Variants in C18orf63 observed in about 807,000 individuals in gnomAD.
C18orf63 encodes chromosome 18 open reading frame 63.
Under a neutral mutation model 75.3 loss-of-function variants are expected in C18orf63, and 50 were observed. That is an observed-to-expected ratio of 0.66 (90% CI 0.53 to 0.84). The LOEUF (loss-of-function observed/expected upper bound fraction) is 0.84. Ranked by LOEUF, C18orf63 falls within the 40% of genes least tolerant of loss-of-function variation. C18orf63 has a pLI of 0.00. For missense variants in C18orf63, 732 were observed against 800.2 expected (o/e 0.91, Z 1.03); for synonymous variants, 232 against 267.6 (o/e 0.87, Z 1.30).
At chr18:74,324,429 TG>T (rs1599001032) in intron 4 of C18orf63, among the ~76,000 whole-genome samples, 1 of 152,326 alleles carries the variant, frequency 6.6e-6, no homozygotes, top group Middle Eastern at 3.4e-3. Flanking sequence ...TGATTTTTGG[TG>T]ACCAGAACTA....
At chr18:74,333,512 A>T (rs1171494169) in intron 7 of C18orf63, among the ~76,000 whole-genome samples, 1 of 152,204 alleles carries the variant, frequency 6.6e-6, no homozygotes, top group Non-Finnish European at 1.5e-5. Flanking sequence ...GGAAGCAAGC[A>T]TGTCCTTCTT....
intron 11 of C18orf63, 39 bp downstream of exon 11, chr18:74,343,741 A>G (rs1984526767): frequency 3.1e-5 from 40 of 1,278,504 alleles, no homozygotes; most frequent in Non-Finnish European, 4.1e-5. Flanking sequence ...TCCAAGACAT[A>G]CTATCCATCT....
At chr18:74,343,826 A>C (rs1306935370) in intron 11 of C18orf63, 124 bp downstream of exon 11, 2 of 459,802 alleles carry the variant, frequency 4.3e-6, no homozygotes, top group African/African-American at 2.0e-5. Context: ...TCTCAGTTCA[A>C]TGCTTCCCTA....
Position 74,343,711 on chromosome 18 carries a change from T to C in C18orf63, c.978+9T>C. 6.8e-7 allele frequency: 1 copy of C among 1,474,808 alleles called. No individual in the cohort carries two copies. Among genetic ancestry groups the C allele is most frequent in the Non-Finnish European group, 9.0e-7 (1 of 1,111,998 alleles). 91.4% of individuals were successfully genotyped at this position (1,474,808 alleles called of 1,614,324 possible). A position where few individuals can be genotyped will look rare whatever the true frequency, so the allele number is the denominator to read the frequency against. ...CTAAACCTAATATACAGGTAAGAGA[T>C]CTCTTGTCCTATCTAGTTCTCCAAG... is the stretch of plus-strand genomic sequence containing the variant. On this transcript the variant is annotated intron_variant, in intron 11 of 13. Transcript: ENST00000579455.
Position 74,352,578 on chromosome 18 carries a change from A to G in C18orf63, c.979-668A>G, listed in dbSNP as rs375783489. ...AAAAGTAAACATGATTAAGACACAG[A>G]TAGCGCCTTCCCTGTAGTCAAAATC... is the stretch of plus-strand genomic sequence containing the variant. On this transcript the variant is annotated intron_variant, in intron 11 of 13. Transcript: ENST00000579455. 2.0e-5 allele frequency among the ~76,000 whole-genome samples: 3 copies of G among 152,290 alleles called. No homozygotes were observed. In the East Asian group the frequency reaches 5.8e-4, roughly 29 times the overall value.
intron 4 of C18orf63, among the ~76,000 whole-genome samples, chr18:74,324,169 G>A (rs1341413730): frequency 6.6e-6 from 1 of 152,184 alleles, no homozygotes; most frequent in Non-Finnish European, 1.5e-5. Flanking sequence ...AGCACTCAGG[G>A]AGCCTGTCAT....
intron 5 of C18orf63, among the ~76,000 whole-genome samples, chr18:74,328,548 TCAAG>T (rs1465185591): frequency 3.3e-5 from 5 of 152,172 alleles, no homozygotes; most frequent in Non-Finnish European, 7.3e-5. Flanking sequence ...TTAAGCAATC[TCAAG>T]CAAGCCCACA....
Position 74,343,505 on chromosome 18 carries a change from T to C in C18orf63, c.795-14T>C. Reference sequence around the variant, plus strand: ...ATGTAATAAAATCAGACATTGTTCTTTAACATTGTTCAGATATCCTCTCAG... The same window carrying C: ...ATGTAATAAAATCAGACATTGTTCTCTAACATTGTTCAGATATCCTCTCAG... On this transcript the variant is annotated splice_polypyrimidine_tract_variant and intron_variant, in intron 10 of 13. Coordinates refer to ENST00000579455, the MANE Select transcript of C18orf63 (RefSeq NM_001174123.2). The C allele has an allele frequency of 6.7e-7, 1 of 1,483,360 alleles. No homozygotes were observed. Among genetic ancestry groups the C allele is most frequent in the Non-Finnish European group, 8.9e-7 (1 of 1,118,832 alleles). The allele number at this position is 1,483,360 out of a possible 1,614,324, so 91.9% of individuals were successfully genotyped here. A position where few individuals can be genotyped will look rare whatever the true frequency, so the allele number is the denominator to read the frequency against.
Position 74,354,150 on chromosome 18 carries a change from T to A in C18orf63, c.1883T>A (p.Ile628Lys), listed in dbSNP as rs557081140. 2.3e-5 allele frequency: 35 copies of A among 1,536,206 alleles called. No homozygotes were observed. The highest frequency in any genetic ancestry group is 3.1e-5 in the Non-Finnish European group (35 of 1,146,958). Reference protein sequence around the residue: ...KEVGTSDHRLIVSKIAHRSKR... With the variant: ...KEVGTSDHRLKVSKIAHRSKR... ...GTTGGTACAAGTGACCACAGGTTGA[T>A]AGTAAGCAAAATAGCCCACAGGTCT... Residue 628 changes from isoleucine to lysine, a missense_variant, in exon 12 of 14, where the codon ATA becomes AAA. Ile to Lys is a moderately radical substitution (Grantham distance 102, BLOSUM62 -3). Coordinates refer to ENST00000579455, the MANE Select transcript of C18orf63 (RefSeq NM_001174123.2).
chr18:74,354,924 G>A (rs1984738016), intron 13 of C18orf63, among the ~76,000 whole-genome samples: 1 of 152,172 alleles, frequency 6.6e-6, no homozygotes, highest in African/African-American at 2.4e-5. Flanking sequence ...AACCTTAAAT[G>A]ATGTTTCAAA....
Position 74,357,690 on chromosome 18 carries a change from T to C in C18orf63, c.*1243T>C, listed in dbSNP as rs916848540. 2 of 152,152 alleles carry C rather than the reference T, an allele frequency of 1.3e-5. No individual in the cohort carries two copies. Among genetic ancestry groups the C allele is most frequent in the Admixed American group, 1.3e-4 (2 of 15,272 alleles). 9.4% of individuals were successfully genotyped at this position (152,152 alleles called of 1,614,324 possible). ...AAAGCAAAAGTAAACAAACTCTCCT[T>C]CAAACGTTAAATGTTAACTCCTGCT... On this transcript the variant is annotated 3_prime_UTR_variant, in exon 14 of 14. Transcript: ENST00000579455.
chr18:74,330,782 T>C (rs1328501645), intron 6 of C18orf63, 84 bp from the exon 7 acceptor site: 1 of 548,314 alleles, frequency 1.8e-6, no homozygotes, highest in African/African-American at 2.0e-5. Context: ...CTTGAATAAG[T>C]TAGTTTCCTT....
rs559394088 is a variant in C18orf63 at position 74,354,560 on chromosome 18, T to C, written c.*33+14T>C. On this transcript the variant is annotated intron_variant, in intron 13 of 13. Transcript: ENST00000579455. The stretch of plus-strand genomic sequence containing the variant: ...AATGTCTACCAGGTAACTGAAGTGA[T>C]AGCTTTTGATTTGTTTTTACATTAT... 7 of 1,201,068 alleles carry C rather than the reference T, an allele frequency of 5.8e-6. No individual in the cohort carries two copies. In the African/African-American group the frequency reaches 7.7e-5, roughly 13 times the overall value. The allele number at this position is 1,201,068 out of a possible 1,614,324, so 74.4% of individuals were successfully genotyped here. A position where few individuals can be genotyped will look rare whatever the true frequency, so the allele number is the denominator to read the frequency against.
chr18:74,322,163 A>T (rs1416819005), intron 3 of C18orf63, among the ~76,000 whole-genome samples: 3 of 152,186 alleles, frequency 2.0e-5, no homozygotes, highest in African/African-American at 7.2e-5. Context: ...GATACTGCTA[A>T]ATTGCTGTCT....
intron 7 of C18orf63, among the ~76,000 whole-genome samples, chr18:74,335,136 T>C (rs1004502695): frequency 5.3e-5 from 8 of 152,178 alleles, no homozygotes; most frequent in African/African-American, 1.9e-4. Context: ...CTTATTAATC[T>C]TTCTATCATA....
chr18:74,324,459 T>G (rs1477329518), intron 4 of C18orf63, among the ~76,000 whole-genome samples: 1 of 151,070 alleles, frequency 6.6e-6, no homozygotes, highest in African/African-American at 2.5e-5. Context: ...GAACTTTTAT[T>G]TATATCAGCG....
intron 11 of C18orf63, among the ~76,000 whole-genome samples, chr18:74,349,231 C>T (rs1984625356): frequency 6.6e-6 from 1 of 152,106 alleles, no homozygotes; most frequent in Non-Finnish European, 1.5e-5. Flanking sequence ...CTGGACACTT[C>T]AAAGTGACTC....
chr18:74,341,250 G>A lies in C18orf63; in HGVS notation c.612-782G>A, dbSNP rs531717664. 9.5e-3 allele frequency among the ~76,000 whole-genome samples: 1,093 copies of A among 114,852 alleles called. 13 individuals carry two copies. The highest frequency in any genetic ancestry group is 0.032 in the Middle Eastern group (4 of 126). 75.3% of individuals were successfully genotyped at this position (114,852 alleles called of 152,430 possible). A position where few individuals can be genotyped will look rare whatever the true frequency, so the allele number is the denominator to read the frequency against. On this transcript the variant is annotated intron_variant, in intron 8 of 13. Coordinates refer to ENST00000579455, the MANE Select transcript of C18orf63 (RefSeq NM_001174123.2). ...CCCGCCACTGCACTCCAGCCTGGGC[G>A]ACAGAGCGAGACTCCGTCTCAAAAA... is the stretch of plus-strand genomic sequence containing the variant.
At chr18:74,328,899 T>G (rs917507696) in intron 5 of C18orf63, 96 bp from the exon 6 acceptor site, 1 of 680,076 alleles carries the variant, frequency 1.5e-6, no homozygotes, top group Non-Finnish European at 2.5e-6. Context: ...AGTATTTTCT[T>G]TAGCTTTGAT....
Sources: allele counts gnomAD v4.1 joint callset (sites outside exome capture counted in the v4.1 genomes callset), GRCh38; gene constraint gnomAD v4.1.1; transcripts MANE v1.5; gene names NCBI Gene and HGNC (gene_info 2026-07-23, HGNC 2026-07-21).